The following NIPA1 variants were observed in gnomAD, a reference collection of about 807,000 sequenced individuals.
NIPA1 encodes magnesium transporter NIPA1.
In NIPA1, 13 loss-of-function variants were observed where a neutral mutation model predicts 23.9. That is an observed-to-expected ratio of 0.54 (90% CI 0.35 to 0.87). The LOEUF (loss-of-function observed/expected upper bound fraction) is 0.87, where lower values mean the gene tolerates loss of function less well. Among genes scored for constraint, NIPA1 ranks in the 40% least tolerant of loss-of-function variants. NIPA1 has a pLI of 0.01. For missense variants in NIPA1, 362 were observed against 429.7 expected, an observed-to-expected ratio of 0.84 and a Z score of 1.39; for synonymous variants, 234 against 202.9, an observed-to-expected ratio of 1.15 and a Z score of -1.30.
intron 4 of NIPA1, among the ~76,000 whole-genome samples, chr15:22,822,426 C>T (rs1366028991): frequency 1.3e-5 from 2 of 152,104 alleles, no homozygotes; most frequent in South Asian, 2.1e-4. Context: ...CCACAAACAC[C>T]CCCACAGCTT....
At chr15:22,821,756 T>TGGTTTTCTTGTCCACACTCG (rs1895545524) in intron 4 of NIPA1, among the ~76,000 whole-genome samples, 18 of 151,682 alleles carry the variant, frequency 1.2e-4, no homozygotes, top group African/African-American at 3.9e-4. Flanking sequence ...GTCCACACTC[T>TGGTTTTCTTGTCCACACTCG]CTGGTTTGCA....
intron 1 of NIPA1, among the ~76,000 whole-genome samples, chr15:22,806,170 G>T (rs556042648): frequency 3.3e-5 from 5 of 152,232 alleles, no homozygotes; most frequent in South Asian, 4.1e-4. Flanking sequence ...TGATCCGCCC[G>T]CCTCGGCCTC....
At chr15:22,786,519 G>T (rs1304829407), upstream of NIPA1, 3 of 172,364 alleles carry the variant, frequency 1.7e-5, no homozygotes, top group Non-Finnish European at 3.4e-5. Flanking sequence ...TGGCACCCCC[G>T]TCCCGCCCCC....
chr15:22,820,071 C>T (rs974268270), intron 3 of NIPA1, among the ~76,000 whole-genome samples: 5 of 152,146 alleles, frequency 3.3e-5, no homozygotes, highest in East Asian at 1.9e-4. Context: ...GTGGCATGCA[C>T]CTGTAGTCCC....
intron 1 of NIPA1, among the ~76,000 whole-genome samples, chr15:22,797,847 A>ATT (rs33968720): frequency 0.14 from 18,841 of 133,878 alleles, 1,562 homozygotes; most frequent in Admixed American, 0.22. Context: ...TTCAAAACCG[A>ATT]TTTTTTTTTT....
rs922680968 is a variant in NIPA1, at chr15:22,827,631, C to T, written c.*3392C>T. 6 of 152,232 alleles carry T rather than the reference C, an allele frequency of 3.9e-5. No homozygotes were observed. Among genetic ancestry groups the T allele is most frequent in the African/African-American group, 1.4e-4 (6 of 41,452 alleles). The allele number at this position is 152,232 out of a possible 1,614,324, so 9.4% of individuals were successfully genotyped here. On this transcript the variant is annotated 3_prime_UTR_variant, in exon 5 of 5. Coordinates refer to ENST00000337435, the MANE Select transcript of NIPA1 (RefSeq NM_144599.5). ...ACACCCAGTTGTCTTTCCAGAAGTT[C>T]ATCCCAGCGGTAATATGTTGGTGTT...
Position 22,798,851 on chromosome 15 carries a change from A to C in NIPA1, c.179-11898A>C, listed in dbSNP as rs1215120078. On this transcript the variant is annotated intron_variant, in intron 1 of 4. Transcript: ENST00000337435. ...ACTCCGTCTCAAAAAAAAAAAAAAAAAAAAAAAAAAACCTCTTTATTGTGG... is the reference window on the plus strand; with the variant it reads ...ACTCCGTCTCAAAAAAAAAAAAAAACAAAAAAAAAAACCTCTTTATTGTGG... 5.3e-5 allele frequency among the ~76,000 whole-genome samples: 8 copies of C among 151,460 alleles called. No individual in the cohort carries two copies. The East Asian group carries it at 1.2e-3, about 22-fold the overall frequency.
intron 1 of NIPA1, among the ~76,000 whole-genome samples, chr15:22,790,578 G>A (rs1267418818): frequency 2.0e-5 from 3 of 152,026 alleles, no homozygotes; most frequent in East Asian, 3.9e-4. Context: ...ACCACGCCTG[G>A]CTAATTTTGT....
rs1894933816 is a variant in NIPA1 at position 22,796,090 on chromosome 15, A to G, written c.178+9256A>G. ...CCACCTCTGCATCTAGCTAATTTTT[A>G]TATATTTTTTTTTTAGAGACAAGAT... On this transcript the variant is annotated intron_variant, in intron 1 of 4. Transcript: ENST00000337435. Among the ~76,000 whole-genome samples, 5 of 151,018 alleles carry G rather than the reference A, an allele frequency of 3.3e-5. 1 individual carries two copies. Among genetic ancestry groups the G allele is most frequent in the Admixed American group, 2.6e-4 (4 of 15,144 alleles).
chr15:22,810,864 C>T (rs370479495), intron 2 of NIPA1, 68 bp downstream of exon 2: 3 of 1,208,376 alleles, frequency 2.5e-6, no homozygotes, highest in Non-Finnish European at 3.7e-6. Context: ...CTGGGCAGGG[C>T]TGGAGTGGCT....
At chr15:22,787,403 G>A (rs575134354) in intron 1 of NIPA1, among the ~76,000 whole-genome samples, 37 of 152,348 alleles carry the variant, frequency 2.4e-4, no homozygotes, top group African/African-American at 8.7e-4. Flanking sequence ...AGGGCTGTGC[G>A]TTCCTGGGGT....
At chr15:22,788,919 T>A (rs1256350077) in intron 1 of NIPA1, among the ~76,000 whole-genome samples, 1 of 78,816 alleles carries the variant, frequency 1.3e-5, no homozygotes, top group African/African-American at 5.1e-5. Context: ...GGCTCTGTCT[T>A]AAAAAAAAAA....
intron 1 of NIPA1, among the ~76,000 whole-genome samples, chr15:22,787,302 T>C (rs1042602147): frequency 2.0e-5 from 3 of 152,064 alleles, no homozygotes; most frequent in African/African-American, 7.2e-5. Flanking sequence ...CGCGGCCCGC[T>C]CCTAGGGTAC....
intron 3 of NIPA1, 89 bp from the exon 4 acceptor site, chr15:22,820,224 A>C (rs1378052869): frequency 1.1e-4 from 104 of 977,684 alleles, no homozygotes; most frequent in Non-Finnish European, 3.1e-5. Flanking sequence ...AGAAAAAGAA[A>C]ATGGTTTTTC....
intron 1 of NIPA1, among the ~76,000 whole-genome samples, chr15:22,805,946 T>C (rs969061143): frequency 4.6e-5 from 7 of 152,010 alleles, no homozygotes; most frequent in South Asian, 2.1e-4. Context: ...TATTTTGGGA[T>C]GGAGTCTCAC....
rs553977825 is a variant in NIPA1 at position 22,790,804 on chromosome 15, A to G, written c.178+3970A>G. On this transcript the variant is annotated intron_variant, in intron 1 of 4. Coordinates refer to ENST00000337435, the MANE Select transcript of NIPA1 (RefSeq NM_144599.5). ...TACTCGCCATAAAATCCTTTCCTAC[A>G]TCTGTTGCAAGCAGCAGAATTGACC... Among the ~76,000 whole-genome samples the G allele has an allele frequency of 2.7e-4, 41 of 152,178 alleles. No homozygotes were observed. The South Asian group carries it at 8.5e-3, about 32-fold the overall frequency.
At position 22,823,806 on chromosome 15, in the gene NIPA1, C is replaced by G; in HGVS notation, c.557C>G (p.Thr186Ser). 1 of 1,614,042 alleles carries G rather than the reference C, an allele frequency of 6.2e-7. No individual in the cohort carries two copies. Among genetic ancestry groups the G allele is most frequent in the Non-Finnish European group, 8.5e-7 (1 of 1,179,974 alleles). ...TGGATCGCGCCGGCCCATGGGCCCA[C>G]CAACATCATGGTCTACATCAGCATC... ...IFWIAPAHGP[T>S]NIMVYISICS... Residue 186 changes from threonine (T) to serine (S), a missense_variant, in exon 5 of 5, where the codon ACC becomes AGC. Physicochemically the swap from Thr to Ser is moderately conservative, Grantham distance 58. This residue lies in a region of NIPA1 where 277 missense variants were observed against 372.0 expected (regional missense o/e 0.74). Coordinates refer to ENST00000337435, the MANE Select transcript of NIPA1 (RefSeq NM_144599.5).
chr15:22,791,497 T>G (rs1894825528), intron 1 of NIPA1, among the ~76,000 whole-genome samples: 1 of 135,646 alleles, frequency 7.4e-6, no homozygotes, highest in Non-Finnish European at 1.5e-5. Context: ...TTTTTTTTTT[T>G]TTGTGAGACG....
At chr15:22,797,791 C>T (rs1485108695) in intron 1 of NIPA1, among the ~76,000 whole-genome samples, 1 of 139,556 alleles carries the variant, frequency 7.2e-6, no homozygotes, top group African/African-American at 2.8e-5. Context: ...CAGGCGTGAG[C>T]CACCGCTCCT....
Sources: gnomAD v4.1 joint callset for allele counts (sites outside exome capture counted in the v4.1 genomes callset) on GRCh38, gnomAD v4.1.1 for gene constraint, gnomAD v4.1.1 regional missense constraint, MANE v1.5 for transcripts, NCBI Gene and HGNC (gene_info 2026-07-23, HGNC 2026-07-21) for gene names.